The following SORCS3 variants were observed in gnomAD, a reference collection of about 807,000 sequenced individuals.
The protein encoded by SORCS3 is sortilin related VPS10 domain containing receptor 3, also known as VPS10 domain-containing receptor SorCS3.
Under a neutral mutation model 146.3 loss-of-function variants are expected in SORCS3, and 57 were observed. The observed-to-expected ratio is 0.39, with a 90% CI of 0.31 to 0.49. The LOEUF is 0.49. Ranked by LOEUF, SORCS3 falls within the 20% of genes least tolerant of loss-of-function variation. The pLI, the probability that SORCS3 is intolerant of heterozygous loss-of-function variation, is 0.92. For synonymous variants in SORCS3, 653 were observed against 618.5 expected, an observed-to-expected ratio of 1.06 and a Z score of -0.83; for missense variants, 1,341 against 1,575.5, an observed-to-expected ratio of 0.85 and a Z score of 2.52.
chr10:105,104,431 G>C (rs560263570), intron 6 of SORCS3, among the ~76,000 whole-genome samples: 6 of 152,210 alleles, frequency 3.9e-5, no homozygotes, highest in Admixed American at 3.9e-4. Context: ...GTCATAATCA[G>C]AAAGCCTTTT....
intron 16 of SORCS3, among the ~76,000 whole-genome samples, chr10:105,209,293 A>AT (rs1290865284): frequency 1.3e-4 from 19 of 151,978 alleles, no homozygotes; most frequent in Admixed American, 1.3e-4. Flanking sequence ...AGCTCCTGCC[A>AT]CCATGCCTGG....
chr10:104,665,648 G>C (rs2015765621), intron 1 of SORCS3: 6 of 152,214 alleles, frequency 3.9e-5, no homozygotes, highest in Admixed American at 3.9e-4. Flanking sequence ...CTTTTCCAAG[G>C]TTGGGCTTGC....
At chr10:105,207,593 G>T (rs897582120) in intron 16 of SORCS3, among the ~76,000 whole-genome samples, 1 of 152,144 alleles carries the variant, frequency 6.6e-6, no homozygotes, top group Non-Finnish European at 1.5e-5. Flanking sequence ...AACAGCTGGA[G>T]CTGCTTGTTT....
intron 4 of SORCS3, among the ~76,000 whole-genome samples, chr10:105,028,137 C>T (rs960036641): frequency 3.3e-5 from 5 of 152,120 alleles, no homozygotes; most frequent in Admixed American, 6.6e-5. Flanking sequence ...TGCTTACTTA[C>T]GTATATATAA....
intron 2 of SORCS3, 132 bp downstream of exon 2, chr10:104,842,991 C>G (rs1433589976): frequency 2.8e-6 from 2 of 703,690 alleles, no homozygotes; most frequent in Non-Finnish European, 4.9e-6. Context: ...TGTTAATGCT[C>G]TGGGTGGAAC....
intron 18 of SORCS3, among the ~76,000 whole-genome samples, chr10:105,214,829 G>A (rs2056655870): frequency 6.6e-6 from 1 of 152,192 alleles, no homozygotes; most frequent in Non-Finnish European, 1.5e-5. Context: ...TCCGCAGTGG[G>A]AGCCCACTTG....
intron 1 of SORCS3, among the ~76,000 whole-genome samples, chr10:104,702,177 G>T (rs924927277): frequency 6.6e-6 from 1 of 152,174 alleles, no homozygotes. Context: ...TATGCGGACC[G>T]CTGTGTTTGA....
At chr10:104,700,041 A>G (rs1001263208) in intron 1 of SORCS3, among the ~76,000 whole-genome samples, 1 of 152,200 alleles carries the variant, frequency 6.6e-6, no homozygotes, top group African/African-American at 2.4e-5. Context: ...AATTAAGTCA[A>G]AGCATTGCCT....
chr10:104,874,171 C>T (rs188329490), intron 2 of SORCS3, among the ~76,000 whole-genome samples: 1 of 152,228 alleles, frequency 6.6e-6, no homozygotes, highest in East Asian at 1.9e-4. Flanking sequence ...ACACCCTCCT[C>T]TTTGTTTAAG....
At chr10:105,142,771 G>T (rs1381599344) in intron 8 of SORCS3, among the ~76,000 whole-genome samples, 1 of 152,032 alleles carries the variant, frequency 6.6e-6, no homozygotes, top group Non-Finnish European at 1.5e-5. Context: ...TGCAGGTATT[G>T]CAAGTCGTTT....
intron 2 of SORCS3, among the ~76,000 whole-genome samples, chr10:104,856,040 G>A (rs1166424559): frequency 6.6e-6 from 1 of 152,096 alleles, no homozygotes; most frequent in Admixed American, 6.6e-5. Flanking sequence ...GCCCAGCCAT[G>A]CTTTTGAATG....
chr10:105,109,121 A>G (rs973346728), intron 7 of SORCS3, among the ~76,000 whole-genome samples: 3 of 152,112 alleles, frequency 2.0e-5, no homozygotes, highest in Admixed American at 1.3e-4. Flanking sequence ...TTTCTGGACA[A>G]TATCTATTGA....
intron 1 of SORCS3, among the ~76,000 whole-genome samples, chr10:104,824,271 TCTC>T (rs770730029): frequency 8.5e-5 from 13 of 152,224 alleles, no homozygotes; most frequent in Non-Finnish European, 1.3e-4. Flanking sequence ...TCCATCTTCT[TCTC>T]TATGTATGTG....
chr10:105,231,649 GT>G (rs1361868772), intron 20 of SORCS3, among the ~76,000 whole-genome samples: 20 of 152,042 alleles, frequency 1.3e-4, no homozygotes, highest in African/African-American at 3.6e-4. Context: ...TTTGCTATAG[GT>G]TTTTTGTAGA....
At chr10:104,780,604 G>A (rs2017363400) in intron 1 of SORCS3, among the ~76,000 whole-genome samples, 1 of 152,244 alleles carries the variant, frequency 6.6e-6, no homozygotes, top group East Asian at 1.9e-4. Flanking sequence ...TGCTCCAAAA[G>A]CAGATGCTCC....
At chr10:104,857,820 G>A (rs949021184) in intron 2 of SORCS3, among the ~76,000 whole-genome samples, 3 of 152,136 alleles carry the variant, frequency 2.0e-5, no homozygotes, top group Admixed American at 6.6e-5. Flanking sequence ...TAGGGAAACC[G>A]GGCCTCTTGT....
intron 4 of SORCS3, among the ~76,000 whole-genome samples, chr10:104,994,118 C>T (rs2055009936): frequency 6.6e-6 from 1 of 152,176 alleles, no homozygotes; most frequent in Admixed American, 6.5e-5. Flanking sequence ...TCAACAAATA[C>T]TTATTGAGCA....
intron 4 of SORCS3, among the ~76,000 whole-genome samples, chr10:105,036,254 G>A (rs1321216927): frequency 2.0e-5 from 3 of 151,898 alleles, no homozygotes; most frequent in Non-Finnish European, 4.4e-5. Flanking sequence ...ATGGACCTGC[G>A]CCCAACCCAG....
chr10:104,972,906 G>C lies in SORCS3; in HGVS notation c.796-4429G>C, dbSNP rs552408359. On this transcript the variant is annotated intron_variant, in intron 3 of 26. Transcript: ENST00000369701. ...TTTCTTGAGAGTTTTTAGCATGAAG[G>C]GTTGTTGAATTTTGTCAAAGGCCTT... is the stretch of plus-strand genomic sequence containing the variant. Among the ~76,000 whole-genome samples the C allele has an allele frequency of 9.3e-4, 141 of 152,124 alleles. 1 individual carries two copies. The highest frequency in any genetic ancestry group is 3.4e-3 in the Middle Eastern group (1 of 294).
Sources: allele counts gnomAD v4.1 joint callset (sites outside exome capture counted in the v4.1 genomes callset), GRCh38; gene constraint gnomAD v4.1.1; transcripts MANE v1.5; gene names NCBI Gene and HGNC (gene_info 2026-07-23, HGNC 2026-07-21).